Variants in C3orf49 observed in about 807,000 individuals in gnomAD.
C3orf49 encodes chromosome 3 open reading frame 49, also known as putative uncharacterized protein C3orf49.
Under a neutral mutation model 13.3 loss-of-function variants are expected in C3orf49, and 27 were observed. That is an observed-to-expected ratio of 2.02 (90% CI 1.49 to 2.79). The LOEUF (loss-of-function observed/expected upper bound fraction) is 2.79, where lower values mean the gene tolerates loss of function less well. C3orf49 is among the 30% of genes most tolerant of loss of function. The pLI is 0.00. For synonymous variants in C3orf49, 87 were observed against 47.6 expected, an observed-to-expected ratio of 1.83 and a Z score of -3.40; for missense variants, 242 against 134.2, an observed-to-expected ratio of 1.80 and a Z score of -3.97.
chr3:63,783,729 A>AAATT, the C3orf49 span, among the ~76,000 whole-genome samples: 1,307 of 148,568 alleles, frequency 8.8e-3, 9 homozygotes, highest in African/African-American at 0.022. Context: ...AAAAAAAATT[A>AAATT]AATTAATTAA....
intron 6 of C3orf49, 101 bp downstream of exon 6, chr3:63,845,183 AT>A: frequency 2.0e-6 from 1 of 493,678 alleles, no homozygotes; most frequent in African/African-American, 2.0e-5. Context: ...CTCTTTAAGT[AT>A]TTAAGCTCGC....
upstream of C3orf49, among the ~76,000 whole-genome samples, chr3:63,818,416 C>T (rs528531335): frequency 4.6e-5 from 7 of 152,296 alleles, no homozygotes; most frequent in East Asian, 9.7e-4. Flanking sequence ...ATACAAGACC[C>T]TCACTACTCC....
intron 5 of C3orf49, among the ~76,000 whole-genome samples, chr3:63,837,118 T>G (rs1268490085): frequency 6.6e-6 from 1 of 152,014 alleles, no homozygotes; most frequent in Non-Finnish European, 1.5e-5. Flanking sequence ...GAAAATTCAT[T>G]GTTTTAGAAC....
intron 3 of C3orf49, among the ~76,000 whole-genome samples, chr3:63,830,044 T>C (rs979306546): frequency 6.6e-6 from 1 of 152,224 alleles, no homozygotes; most frequent in Non-Finnish European, 1.5e-5. Context: ...GGTTTTCTAC[T>C]TTCTCTTGAA....
intron 5 of C3orf49, among the ~76,000 whole-genome samples, chr3:63,840,660 C>T (rs1385179530): frequency 6.6e-6 from 1 of 152,174 alleles, no homozygotes; most frequent in South Asian, 2.1e-4. Flanking sequence ...GGGTCCAAAT[C>T]TGTCTGCCTG....
At chr3:63,789,220 C>T in the C3orf49 span, among the ~76,000 whole-genome samples, 17 of 152,204 alleles carry the variant, frequency 1.1e-4, no homozygotes, top group African/African-American at 2.9e-4. Flanking sequence ...GCTGCACGCT[C>T]TTTATGAGAC....
chr3:63,807,954 A>G, the C3orf49 span, among the ~76,000 whole-genome samples: 1 of 151,920 alleles, frequency 6.6e-6, no homozygotes, highest in Non-Finnish European at 1.5e-5. Flanking sequence ...AGAAAAAGTG[A>G]AAGTTTTCAG....
At chr3:63,813,589 G>A in the C3orf49 span, among the ~76,000 whole-genome samples, 4 of 152,206 alleles carry the variant, frequency 2.6e-5, no homozygotes, top group African/African-American at 7.2e-5. Context: ...TTGGAAGCCT[G>A]TTGGCTCTTC....
intron 5 of C3orf49, among the ~76,000 whole-genome samples, chr3:63,840,428 C>CA (rs972567386): frequency 6.6e-6 from 1 of 151,774 alleles, no homozygotes; most frequent in African/African-American, 2.4e-5. Flanking sequence ...TCTGACTCTA[C>CA]AAAAAATAAA....
At chr3:63,791,114 C>T in the C3orf49 span, among the ~76,000 whole-genome samples, 38 of 152,252 alleles carry the variant, frequency 2.5e-4, 1 homozygote, top group African/African-American at 8.9e-4. Context: ...GCCCTCTCTT[C>T]TGGGTGATGG....
the C3orf49 span, among the ~76,000 whole-genome samples, chr3:63,780,354 A>G: frequency 2.6e-5 from 4 of 152,070 alleles, no homozygotes; most frequent in Non-Finnish European, 5.9e-5. Flanking sequence ...ATTCCATGGT[A>G]TATGTGCCAC....
chr3:63,840,809 G>A (rs1465754785), intron 5 of C3orf49, among the ~76,000 whole-genome samples: 1 of 152,180 alleles, frequency 6.6e-6, no homozygotes, highest in Non-Finnish European at 1.5e-5. Context: ...TGGCAAGGGT[G>A]TTAGAAAACT....
chr3:63,809,918 C>G, the C3orf49 span, among the ~76,000 whole-genome samples: 11 of 152,070 alleles, frequency 7.2e-5, no homozygotes, highest in Non-Finnish European at 1.5e-4. Context: ...GAGGCTGAGT[C>G]AGGTGGATCA....
At chr3:63,830,825 C>T (rs988450754) in intron 3 of C3orf49, among the ~76,000 whole-genome samples, 1 of 152,182 alleles carries the variant, frequency 6.6e-6, no homozygotes, top group African/African-American at 2.4e-5. Flanking sequence ...TCTTCTTCTT[C>T]CCCTTACGAA....
rs1447231738 is a variant in C3orf49, at chr3:63,835,498, C to T, written c.849+3654C>T. ...TAGGATTTTTAAAATAAAAAAAGGGCTTATAAGGAGTTATAACACTCCATT... is the reference window on the plus strand; with the variant it reads ...TAGGATTTTTAAAATAAAAAAAGGGTTTATAAGGAGTTATAACACTCCATT... On this transcript the variant is annotated intron_variant, in intron 5 of 6. Transcript: ENST00000295896. The T allele has an allele frequency of 3.1e-6, 3 of 977,742 alleles. No individual in the cohort carries two copies. In the African/African-American group the frequency reaches 4.9e-5, roughly 16 times the overall value. 60.6% of individuals were successfully genotyped at this position (977,742 alleles called of 1,614,324 possible). A position where few individuals can be genotyped will look rare whatever the true frequency, so the allele number is the denominator to read the frequency against.
At chr3:63,828,235 G>A (rs185762022) in intron 3 of C3orf49, among the ~76,000 whole-genome samples, 52 of 152,306 alleles carry the variant, frequency 3.4e-4, no homozygotes, top group East Asian at 2.7e-3. Flanking sequence ...ACAGTGCAGC[G>A]TAGATTATCT....
the C3orf49 span, among the ~76,000 whole-genome samples, chr3:63,805,714 C>G: frequency 6.6e-6 from 1 of 152,226 alleles, no homozygotes; most frequent in African/African-American, 2.4e-5. Context: ...AGCAGTAAGC[C>G]TGCCTGACCT....
chr3:63,829,859 G>C lies in C3orf49; in HGVS notation c.571-1251G>C, dbSNP rs1375167636. 2.0e-5 allele frequency among the ~76,000 whole-genome samples: 3 copies of C among 152,226 alleles called. No homozygotes were observed. In the East Asian group the frequency reaches 5.8e-4, roughly 29 times the overall value. The stretch of plus-strand genomic sequence containing the variant: ...ACACACTTTTAGTCCCAAATCCTCA[G>C]AAGGCTGAGGTGGGAGGATCACCGG... On this transcript the variant is annotated intron_variant, in intron 3 of 6. Coordinates refer to ENST00000295896, the MANE Select transcript of C3orf49 (RefSeq NM_001355236.2).
At chr3:63,796,761 G>C in the C3orf49 span, among the ~76,000 whole-genome samples, 3 of 152,158 alleles carry the variant, frequency 2.0e-5, no homozygotes, top group African/African-American at 7.2e-5. Context: ...TACACTGTTA[G>C]TATTAAAGTG....
Sources: gnomAD v4.1 joint callset for allele counts (sites outside exome capture counted in the v4.1 genomes callset) on GRCh38, gnomAD v4.1.1 for gene constraint, MANE v1.5 for transcripts, NCBI Gene and HGNC (gene_info 2026-07-23, HGNC 2026-07-21) for gene names.